Variants in FNBP1L observed in about 807,000 individuals in gnomAD.
The protein encoded by FNBP1L is formin-binding protein 1-like.
A neutral mutation model predicts 91.2 loss-of-function variants in FNBP1L; 36 were observed. That is an observed-to-expected ratio of 0.39 (90% CI 0.30 to 0.52). The LOEUF (loss-of-function observed/expected upper bound fraction) is 0.52. Among genes scored for constraint, FNBP1L ranks in the 20% least tolerant of loss-of-function variants. The pLI is 0.66. For synonymous variants in FNBP1L, 242 were observed against 237.0 expected, an observed-to-expected ratio of 1.02 and a Z score of -0.19; for missense variants, 571 against 732.1, an observed-to-expected ratio of 0.78 and a Z score of 2.54.
At chr1:93,546,454 A>G (rs1016085702) in intron 12 of FNBP1L, among the ~76,000 whole-genome samples, 7 of 152,094 alleles carry the variant, frequency 4.6e-5, no homozygotes, top group African/African-American at 1.4e-4. Flanking sequence ...ATGATGTATG[A>G]GCTAAGGAAC....
At chr1:93,542,510 A>C (rs1321383482) in intron 11 of FNBP1L, among the ~76,000 whole-genome samples, 5 of 150,204 alleles carry the variant, frequency 3.3e-5, no homozygotes, top group African/African-American at 1.2e-4. Flanking sequence ...AGCTTGTTGA[A>C]TATCCATAAT....
chr1:93,449,616 C>G (rs1439323256), intron 1 of FNBP1L, among the ~76,000 whole-genome samples: 1 of 152,200 alleles, frequency 6.6e-6, no homozygotes, highest in African/African-American at 2.4e-5. Flanking sequence ...AGCCAGGAAT[C>G]TCTTGTGCAA....
At chr1:93,454,297 C>T (rs555571758) in intron 1 of FNBP1L, among the ~76,000 whole-genome samples, 2 of 151,746 alleles carry the variant, frequency 1.3e-5, no homozygotes, top group Non-Finnish European at 2.9e-5. Flanking sequence ...TGGCTGATTG[C>T]TTGATTCATG....
chr1:93,539,450 A>G (rs1231243916), intron 10 of FNBP1L, among the ~76,000 whole-genome samples: 1 of 151,998 alleles, frequency 6.6e-6, no homozygotes, highest in Non-Finnish European at 1.5e-5. Flanking sequence ...TGAGCTTTGT[A>G]TATCCCCAAA....
chr1:93,475,089 GT>G (rs1669443845), intron 1 of FNBP1L, among the ~76,000 whole-genome samples: 1 of 151,584 alleles, frequency 6.6e-6, no homozygotes, highest in Admixed American at 6.6e-5. Context: ...TCTTTTTTGA[GT>G]TTTTCTTGAT....
In FNBP1L at chr1:93,553,000, C is replaced by T. The variant is rs1436617950; in HGVS notation, c.*584C>T. The stretch of plus-strand genomic sequence containing the variant: ...ACATCTCCAGCACTAATGTTTCCAT[C>T]TTAGTATTTGTGCACACTGCTATAA... On this transcript the variant is annotated 3_prime_UTR_variant, in exon 17 of 17. Transcript: ENST00000271234. The T allele has an allele frequency of 6.6e-6, 1 of 152,270 alleles. No homozygotes were observed. The highest frequency in any genetic ancestry group is 1.5e-5 in the Non-Finnish European group (1 of 68,066). 9.4% of individuals were successfully genotyped at this position (152,270 alleles called of 1,614,324 possible).
chr1:93,448,460 C>T (rs1217066128), intron 1 of FNBP1L, among the ~76,000 whole-genome samples, 155 bp downstream of exon 1: 2 of 152,300 alleles, frequency 1.3e-5, no homozygotes, highest in South Asian at 2.1e-4. Context: ...TGTGTGCAGA[C>T]TCCTCTTCCC....
chr1:93,540,715 A>G (rs562292336), intron 10 of FNBP1L, among the ~76,000 whole-genome samples: 1 of 152,284 alleles, frequency 6.6e-6, no homozygotes, highest in Non-Finnish European at 1.5e-5. Flanking sequence ...TTGAGAATAA[A>G]GAGCTATAGA....
At chr1:93,477,691 T>C (rs1020259477) in intron 1 of FNBP1L, among the ~76,000 whole-genome samples, 1 of 152,166 alleles carries the variant, frequency 6.6e-6, no homozygotes, top group Admixed American at 6.5e-5. Context: ...CACTCTAAAA[T>C]TGAAAATCAT....
intron 2 of FNBP1L, among the ~76,000 whole-genome samples, chr1:93,510,055 A>G (rs1670773121): frequency 6.6e-6 from 1 of 152,214 alleles, no homozygotes; most frequent in African/African-American, 2.4e-5. Flanking sequence ...GCCATTGCCC[A>G]GGCTTGCTTA....
At chr1:93,489,368 A>G (rs905475355) in intron 1 of FNBP1L, among the ~76,000 whole-genome samples, 1 of 152,096 alleles carries the variant, frequency 6.6e-6, no homozygotes, top group Non-Finnish European at 1.5e-5. Flanking sequence ...GACTTGGGGT[A>G]TTTCAGGGAG....
At chr1:93,465,070 A>G (rs542325376) in intron 1 of FNBP1L, among the ~76,000 whole-genome samples, 1 of 152,162 alleles carries the variant, frequency 6.6e-6, no homozygotes, top group Non-Finnish European at 1.5e-5. Flanking sequence ...CTCTCAAACT[A>G]AGGCTGAGAG....
chr1:93,480,091 A>G (rs1669640633), intron 1 of FNBP1L, among the ~76,000 whole-genome samples: 1 of 152,200 alleles, frequency 6.6e-6, no homozygotes, highest in Admixed American at 6.5e-5. Context: ...TTCACAATTT[A>G]TGTTCCTCTG....
intron 2 of FNBP1L, among the ~76,000 whole-genome samples, chr1:93,520,499 C>A (rs1287526505): frequency 5.9e-5 from 9 of 152,042 alleles, no homozygotes; most frequent in African/African-American, 2.2e-4. Flanking sequence ...AATATAGGCC[C>A]TAATTTTTAA....
intron 1 of FNBP1L, among the ~76,000 whole-genome samples, chr1:93,448,764 C>G (rs1278306553): frequency 6.6e-6 from 1 of 152,168 alleles, no homozygotes; most frequent in Non-Finnish European, 1.5e-5. Flanking sequence ...GATTCCTCGC[C>G]CGGGCCAGGT....
rs1669270342 is a variant in FNBP1L, at chr1:93,471,054, A to G, written c.24+22749A>G. ...CTTTTTTAGTGATGCAAAATTACAA[A>G]TACTGCAGTGGTACTTATTTACTCA... On this transcript the variant is annotated intron_variant, in intron 1 of 16. Coordinates refer to ENST00000271234, the MANE Select transcript of FNBP1L (RefSeq NM_001164473.3). Among the ~76,000 whole-genome samples the G allele has an allele frequency of 2.6e-5, 4 of 152,182 alleles. No homozygotes were observed. The South Asian group carries it at 8.3e-4, about 32-fold the overall frequency.
intron 2 of FNBP1L, among the ~76,000 whole-genome samples, chr1:93,503,474 A>G (rs1670504160): frequency 6.6e-6 from 1 of 152,210 alleles, no homozygotes; most frequent in South Asian, 2.1e-4. Flanking sequence ...ATATATTACA[A>G]GATTAAAATT....
chr1:93,491,990 A>G (rs1334691846), intron 1 of FNBP1L, among the ~76,000 whole-genome samples: 1 of 152,196 alleles, frequency 6.6e-6, no homozygotes, highest in Non-Finnish European at 1.5e-5. Context: ...AACTTTCTCA[A>G]TATTCTGATT....
At chr1:93,464,368 A>T (rs1669003640) in intron 1 of FNBP1L, among the ~76,000 whole-genome samples, 1 of 152,184 alleles carries the variant, frequency 6.6e-6, no homozygotes, top group Non-Finnish European at 1.5e-5. Context: ...AATCTGGTAT[A>T]CTATTTACTA....
Sources: gnomAD v4.1 joint callset for allele counts (sites outside exome capture counted in the v4.1 genomes callset) on GRCh38, gnomAD v4.1.1 for gene constraint, MANE v1.5 for transcripts, NCBI Gene and HGNC (gene_info 2026-07-23, HGNC 2026-07-21) for gene names.